ZNF324B: variants seen among roughly 807,000 people sequenced by gnomAD.
ZNF324B encodes zinc finger protein 324B.
A neutral mutation model predicts 10.6 loss-of-function variants in ZNF324B; 7 were observed. That is an observed-to-expected ratio of 0.66 (90% CI 0.38 to 1.24). The LOEUF (loss-of-function observed/expected upper bound fraction) is 1.24, where lower values mean the gene tolerates loss of function less well. Among genes scored for constraint, ZNF324B ranks in the 50% most tolerant of loss-of-function variants. The pLI, the probability that ZNF324B is intolerant of heterozygous loss-of-function variation, is 0.02. For synonymous variants in ZNF324B, 316 were observed against 321.0 expected (o/e 0.98, Z 0.17); for missense variants, 640 against 764.7 (o/e 0.84, Z 1.92).
Position 58,456,928 on chromosome 19 carries a change from G to A in ZNF324B, c.*349G>A. On this transcript the variant is annotated 3_prime_UTR_variant, in exon 4 of 4. Transcript: ENST00000336614. This position sits in a 1 kb window ranked among gnomAD's most constrained non-coding sequence, Gnocchi z 4.7. ...CATGTGTTATGAGAGTGGATGCTGA[G>A]GTGAGGGGGATGCGGACATGGGGTA... is the stretch of plus-strand genomic sequence containing the variant. The A allele has an allele frequency of 2.9e-6, 1 of 348,912 alleles. No individual in the cohort carries two copies. Among genetic ancestry groups the A allele is most frequent in the Non-Finnish European group, 5.3e-6 (1 of 188,606 alleles). The allele number at this position is 348,912 out of a possible 1,614,324, so 21.6% of individuals were successfully genotyped here. A position where few individuals can be genotyped will look rare whatever the true frequency, so the allele number is the denominator to read the frequency against.
the ZNF324B span, among the ~76,000 whole-genome samples, chr19:58,421,892 A>T: frequency 6.6e-6 from 1 of 152,154 alleles, no homozygotes; most frequent in African/African-American, 2.4e-5. Flanking sequence ...TGATTTGCAG[A>T]TTCAATGCAG....
chr19:58,444,072 C>T, the ZNF324B span: 1 of 152,252 alleles, frequency 6.6e-6, no homozygotes, highest in South Asian at 2.1e-4. Context: ...TGTGGCAGAG[C>T]TGTTGGCAGT....
In ZNF324B at chr19:58,456,484, G is replaced by C. The variant is rs565844600; in HGVS notation, c.1540G>C (p.Asp514His). The change falls in exon 4 of 4, where the codon GAC (aspartate) becomes CAC (histidine). Residue 514 changes from aspartate to histidine, a missense_variant. Transcript: ENST00000336614. This position sits in a 1 kb window ranked among gnomAD's most constrained non-coding sequence, Gnocchi z 4.7. ...AGAGAAGACCAATGCCGCAGCACCA[G>C]ACTGCACCCCGGGGCCAGGTTTCCT... ...TTEKTNAAAP[D>H]CTPGPGFLQG... 1 of 1,614,210 alleles carries C rather than the reference G, an allele frequency of 6.2e-7. No homozygotes were observed. The highest frequency in any genetic ancestry group is 1.3e-5 in the African/African-American group (1 of 75,070).
chr19:58,437,053 A>T, the ZNF324B span: 2 of 1,614,172 alleles, frequency 1.2e-6, no homozygotes, highest in Non-Finnish European at 1.7e-6. Context: ...TTACCAAGTG[A>T]GGTCACAAGC....
Position 58,455,706 on chromosome 19 carries a change from G to A in ZNF324B, c.762G>A (p.Glu254=). Residue 254 remains glutamate (E), a synonymous_variant, in exon 4 of 4, where the codon GAG becomes GAA. Coordinates refer to ENST00000336614, the MANE Select transcript of ZNF324B (RefSeq NM_207395.3). This position sits in a 1 kb window ranked among gnomAD's most constrained non-coding sequence, Gnocchi z 7.0. ...TGGGCGAGGCTCTTCACGCTGGGGA[G>A]AAGTCCTTCGAATGCAGGGCGTGCA... ...DELGEALHAG[E]KSFECRACSK... The A allele has an allele frequency of 6.2e-7, 1 of 1,613,634 alleles. No individual in the cohort carries two copies. The highest frequency in any genetic ancestry group is 1.3e-5 in the African/African-American group (1 of 75,034).
At chr19:58,421,934 T>C in the ZNF324B span, among the ~76,000 whole-genome samples, 2 of 152,102 alleles carry the variant, frequency 1.3e-5, no homozygotes, top group South Asian at 2.1e-4. Context: ...GTTTTGTTGT[T>C]GTTGTTTTTG....
intron 1 of ZNF324B, chr19:58,452,727 T>C: frequency 1.2e-6 from 1 of 860,172 alleles, no homozygotes; most frequent in South Asian, 5.3e-5. Flanking sequence ...ACAGGGCCTA[T>C]AAACTGGACT....
At chr19:58,427,291 T>TTTTCTTTCTTTCTTTCTCTTTCTTTC in the ZNF324B span, among the ~76,000 whole-genome samples, 1 of 58,310 alleles carries the variant, frequency 1.7e-5, no homozygotes. Flanking sequence ...TGCCTGGCTT[T>TTTTCTTTCTTTCTTTCTCTTTCTTTC]TTTCTTTCTT....
the ZNF324B span, among the ~76,000 whole-genome samples, chr19:58,427,975 C>T: frequency 8.3e-4 from 126 of 152,300 alleles, 1 homozygote; most frequent in Non-Finnish European, 1.2e-3. Context: ...TAGCATCTTC[C>T]ATATTGGAGA....
the ZNF324B span, chr19:58,437,651 G>T: frequency 4.9e-5 from 46 of 936,010 alleles, no homozygotes; most frequent in Non-Finnish European, 5.6e-5. Flanking sequence ...AGACCATACA[G>T]TTCTTATATT....
chr19:58,454,463 T>C (rs2052893518), intron 3 of ZNF324B, 119 bp downstream of exon 3: 2 of 701,368 alleles, frequency 2.9e-6, no homozygotes, highest in Non-Finnish European at 5.1e-6. Context: ...CTCCCTTCTC[T>C]TCCATCATCA....
chr19:58,421,060 A>T, the ZNF324B span, among the ~76,000 whole-genome samples: 15 of 151,134 alleles, frequency 9.9e-5, no homozygotes, highest in African/African-American at 3.7e-4. Flanking sequence ...AATGGGCTAG[A>T]AAATGGGTGG....
the ZNF324B span, chr19:58,419,015 C>T: frequency 1.1e-4 from 17 of 152,288 alleles, no homozygotes; most frequent in African/African-American, 3.9e-4. Context: ...TGGAGGTGGT[C>T]TCTTGAGTTT....
rs765611974 is a variant in ZNF324B at position 58,455,092 on chromosome 19, C to T, written c.239-91C>T. ...CTTTTTCCCTAAGCTTTTGTCCCGG[C>T]TCCTGGGCTCCCCCTTGCCTGTCCA... is the stretch of plus-strand genomic sequence containing the variant. On this transcript the variant is annotated intron_variant, in intron 3 of 3. Coordinates refer to ENST00000336614, the MANE Select transcript of ZNF324B (RefSeq NM_207395.3). The surrounding 1 kb of genome is among the most constrained non-coding windows in gnomAD (Gnocchi z 7.0). 38 of 1,557,218 alleles carry T rather than the reference C, an allele frequency of 2.4e-5. No homozygotes were observed. The highest frequency in any genetic ancestry group is 6.2e-6 in the Non-Finnish European group (7 of 1,132,550).
At chr19:58,437,270 G>A in the ZNF324B span, 3 of 1,524,700 alleles carry the variant, frequency 2.0e-6, no homozygotes, top group Admixed American at 2.1e-5. Flanking sequence ...CTTGCTGTGT[G>A]ACTCAGAATC....
chr19:58,448,682 G>T (rs1409370382), upstream of ZNF324B, among the ~76,000 whole-genome samples: 5 of 152,128 alleles, frequency 3.3e-5, no homozygotes, highest in Admixed American at 3.3e-4. Flanking sequence ...AGCCAAGATT[G>T]CAACACTGCC....
At chr19:58,436,278 T>C in the ZNF324B span, 4 of 154,332 alleles carry the variant, frequency 2.6e-5, no homozygotes, top group Middle Eastern at 5.9e-4. Flanking sequence ...ATTATAGCAA[T>C]GATTATACCA....
At chr19:58,440,095 G>C in the ZNF324B span, 1 of 482,254 alleles carries the variant, frequency 2.1e-6, no homozygotes. Context: ...CCGTGCCCTG[G>C]TGTGGCTCCA....
At chr19:58,446,134 CA>C in the ZNF324B span, among the ~76,000 whole-genome samples, 4 of 152,254 alleles carry the variant, frequency 2.6e-5, no homozygotes, top group South Asian at 2.1e-4. Context: ...AACTCCATCT[CA>C]AAAAACAAAC....
Sources: allele counts gnomAD v4.1 joint callset (sites outside exome capture counted in the v4.1 genomes callset), GRCh38; gene constraint gnomAD v4.1.1; non-coding constraint Gnocchi (gnomAD v3.1); transcripts MANE v1.5; gene names NCBI Gene and HGNC (gene_info 2026-07-23, HGNC 2026-07-21).